Variants in HCN1 observed in about 807,000 individuals in gnomAD.
The protein encoded by HCN1 is hyperpolarization activated cyclic nucleotide gated potassium channel 1.
HCN1 carries 13 observed loss-of-function variants against 78.9 expected under a neutral mutation model. The observed-to-expected ratio is 0.16, with a 90% CI of 0.11 to 0.26. The LOEUF is 0.26. Among genes scored for constraint, HCN1 ranks in the 10% least tolerant of loss-of-function variants. HCN1 has a pLI of 1.00. For synonymous variants in HCN1, 552 were observed against 455.5 expected, an observed-to-expected ratio of 1.21 and a Z score of -2.70; for missense variants, 810 against 1,154.3, an observed-to-expected ratio of 0.70 and a Z score of 4.32.
intron 3 of HCN1, among the ~76,000 whole-genome samples, chr5:45,428,609 G>A (rs1216829506): frequency 1.3e-5 from 2 of 151,880 alleles, no homozygotes; most frequent in East Asian, 1.9e-4. Flanking sequence ...AGCAATAAAG[G>A]CAACTGCACA....
intron 2 of HCN1, among the ~76,000 whole-genome samples, chr5:45,507,565 G>A (rs142257228): frequency 0.011 from 1,689 of 152,166 alleles, 18 homozygotes; most frequent in Middle Eastern, 0.068. Flanking sequence ...CTTCACCAAA[G>A]ATACAATAAA....
At chr5:45,311,451 T>G (rs1745850238) in intron 5 of HCN1, among the ~76,000 whole-genome samples, 1 of 152,180 alleles carries the variant, frequency 6.6e-6, no homozygotes, top group African/African-American at 2.4e-5. Flanking sequence ...TGTTTAAACA[T>G]CTTAGAAGGG....
At chr5:45,300,048 C>T (rs1272107653) in intron 6 of HCN1, among the ~76,000 whole-genome samples, 2 of 152,034 alleles carry the variant, frequency 1.3e-5, no homozygotes, top group Non-Finnish European at 2.9e-5. Flanking sequence ...CAGGGAGGAA[C>T]ATATTCCAGT....
chr5:45,465,121 A>G (rs1741241493), intron 2 of HCN1, among the ~76,000 whole-genome samples: 1 of 152,132 alleles, frequency 6.6e-6, no homozygotes, highest in Admixed American at 6.6e-5. Context: ...CTTCATGTAA[A>G]ATGGCACCAT....
chr5:45,655,792 T>C (rs1264455263), intron 1 of HCN1, among the ~76,000 whole-genome samples: 1 of 152,126 alleles, frequency 6.6e-6, no homozygotes, highest in Non-Finnish European at 1.5e-5. Flanking sequence ...AGATCACCTA[T>C]TTCAAAAGGG....
intron 2 of HCN1, among the ~76,000 whole-genome samples, chr5:45,532,376 T>C (rs1742871929): frequency 6.6e-6 from 1 of 152,230 alleles, no homozygotes; most frequent in South Asian, 2.1e-4. Context: ...AGCAGCCTTC[T>C]ATGTGGGCAT....
chr5:45,599,212 T>C (rs1053547669), intron 2 of HCN1, among the ~76,000 whole-genome samples: 1 of 152,104 alleles, frequency 6.6e-6, no homozygotes, highest in Non-Finnish European at 1.5e-5. Flanking sequence ...GTGTACACCA[T>C]GGAATACTAT....
rs533937510 is a variant in HCN1, at chr5:45,636,114, G to A, written c.849+9071C>T. Among the ~76,000 whole-genome samples the A allele has an allele frequency of 3.9e-5, 6 of 152,190 alleles. No individual in the cohort carries two copies. The South Asian group carries it at 1.0e-3, about 26-fold the overall frequency. On this transcript the variant is annotated intron_variant, in intron 2 of 7. Transcript: ENST00000303230. ...TATTTGTAACAATAAAATATTCTTG[G>A]ATGTCACTGTACCCCTTTCCAATGT...
intron 5 of HCN1, among the ~76,000 whole-genome samples, chr5:45,330,559 GA>G (rs1746324639): frequency 6.7e-6 from 1 of 150,178 alleles, no homozygotes; most frequent in Admixed American, 6.7e-5. Flanking sequence ...GCCATTCCTA[GA>G]AAAAATTAAA....
chr5:45,262,291 T>G lies in HCN1; in HGVS notation c.2303A>C (p.His768Pro), dbSNP rs1561079128. 1.2e-6 allele frequency: 2 copies of G among 1,613,874 alleles called. No individual in the cohort carries two copies. Among genetic ancestry groups the G allele is most frequent in the South Asian group, 2.2e-5 (2 of 91,090 alleles). The change falls in exon 8 of 8, where the codon CAC becomes CCC. Residue 768 changes from histidine (H) to proline (P), a missense_variant. By Grantham distance (77) the His-to-Pro change is moderately conservative. Coordinates refer to ENST00000303230, the MANE Select transcript of HCN1 (RefSeq NM_021072.4). ...PGSSTPKNEV[H>P]KSTQALHNTN... Reference sequence around the variant, plus strand: ...GTTGTGAAGCGCCTGCGTGCTCTTGTGCACTTCATTTTTCGGCGTGGAGCT... The same window carrying G: ...GTTGTGAAGCGCCTGCGTGCTCTTGGGCACTTCATTTTTCGGCGTGGAGCT...
intron 1 of HCN1, among the ~76,000 whole-genome samples, chr5:45,687,676 T>G (rs1396642296): frequency 6.6e-6 from 1 of 152,190 alleles, no homozygotes; most frequent in Admixed American, 6.5e-5. Context: ...TTAGTCTTTC[T>G]CTGCTTGATT....
intron 2 of HCN1, among the ~76,000 whole-genome samples, chr5:45,620,702 C>G (rs1463614330): frequency 6.6e-6 from 1 of 152,002 alleles, no homozygotes; most frequent in Non-Finnish European, 1.5e-5. Context: ...TAGCCTCCCC[C>G]TCCACTTCAT....
intron 1 of HCN1, among the ~76,000 whole-genome samples, chr5:45,684,387 A>G (rs1224530935): frequency 6.6e-6 from 1 of 152,230 alleles, no homozygotes; most frequent in Non-Finnish European, 1.5e-5. Context: ...CATTAGATAT[A>G]TATCCAGATC....
At chr5:45,426,056 C>A (rs969206705) in intron 3 of HCN1, among the ~76,000 whole-genome samples, 7 of 152,148 alleles carry the variant, frequency 4.6e-5, no homozygotes, top group Middle Eastern at 3.2e-3. Flanking sequence ...AAACAAGATT[C>A]TTCTATGCCG....
At position 45,598,969 on chromosome 5, in the gene HCN1, G is replaced by A. The variant is rs187748487; in HGVS notation, c.849+46216C>T. ...GAATGCTTTTACACTGTTGGTGGGA[G>A]TATAAATTAGTTCAACCATTGTGGA... On this transcript the variant is annotated intron_variant, in intron 2 of 7. Coordinates refer to ENST00000303230, the MANE Select transcript of HCN1 (RefSeq NM_021072.4). 1.8e-3 allele frequency among the ~76,000 whole-genome samples: 281 copies of A among 152,294 alleles called. 6 individuals are homozygous for A. In the South Asian group the frequency reaches 0.032, roughly 17 times the overall value.
intron 2 of HCN1, among the ~76,000 whole-genome samples, chr5:45,482,148 T>A (rs755858687): frequency 3.9e-5 from 6 of 152,156 alleles, no homozygotes; most frequent in Non-Finnish European, 4.4e-5. Context: ...CTGGAAACGA[T>A]TAAACCAGAA....
chr5:45,543,807 G>C (rs1743151378), intron 2 of HCN1, among the ~76,000 whole-genome samples: 1 of 152,004 alleles, frequency 6.6e-6, no homozygotes, highest in South Asian at 2.1e-4. Context: ...TTTCCAGCCA[G>C]GGCTTAAGTT....
chr5:45,433,946 T>G (rs1283986185), intron 3 of HCN1, among the ~76,000 whole-genome samples: 2 of 152,180 alleles, frequency 1.3e-5, no homozygotes, highest in Non-Finnish European at 2.9e-5. Flanking sequence ...ATAGTTGGTT[T>G]ATCCTTAAAC....
chr5:45,376,097 A>G (rs1162652013), intron 4 of HCN1, among the ~76,000 whole-genome samples: 1 of 111,070 alleles, frequency 9.0e-6, no homozygotes, highest in African/African-American at 3.7e-5. Flanking sequence ...ATTATATATA[A>G]TATAATGTTT....
Sources: gnomAD v4.1 joint callset for allele counts (sites outside exome capture counted in the v4.1 genomes callset) on GRCh38, gnomAD v4.1.1 for gene constraint, MANE v1.5 for transcripts, NCBI Gene and HGNC (gene_info 2026-07-23, HGNC 2026-07-21) for gene names.